Variants in SNX14 observed in about 807,000 individuals in gnomAD.
SNX14 encodes sorting nexin 14.
A neutral mutation model predicts 133.8 loss-of-function variants in SNX14; 93 were observed. The ratio of observed to expected loss-of-function variants is 0.70; its 90% CI spans 0.59 to 0.83. SNX14 has a LOEUF of 0.83. Among genes scored for constraint, SNX14 ranks in the 40% least tolerant of loss-of-function variants. SNX14 has a pLI of 0.00. For synonymous variants in SNX14, 368 were observed against 365.6 expected (o/e 1.01, Z -0.07); for missense variants, 945 against 1,094.9 (o/e 0.86, Z 1.93).
At chr6:85,530,443 G>A (rs1194461303) in intron 18 of SNX14, among the ~76,000 whole-genome samples, 168 bp from the exon 19 acceptor site, 2 of 152,054 alleles carry the variant, frequency 1.3e-5, no homozygotes, top group African/African-American at 2.4e-5. Flanking sequence ...TCAGGAGTTC[G>A]AGGCCAGTCT....
At chr6:85,549,925 A>T in intron 7 of SNX14, 46 bp from the exon 8 acceptor site, 1 of 1,530,368 alleles carries the variant, frequency 6.5e-7, no homozygotes, top group Non-Finnish European at 8.9e-7. Flanking sequence ...AGTGACATTA[A>T]ATAATTTCGG....
At position 85,591,112 on chromosome 6, in the gene SNX14, C is replaced by T. The variant is rs563797475; in HGVS notation, c.140+2467G>A. Among the ~76,000 whole-genome samples, 213 of 152,270 alleles carry T rather than the reference C, an allele frequency of 1.4e-3. 7 individuals carry two copies. The South Asian group carries it at 0.042, about 30-fold the overall frequency. ...AATCTCTGCACTGTTCAAGGATCAA[C>T]TTCATATAAAATTATTTTTTATTTC... On this transcript the variant is annotated intron_variant, in intron 1 of 28. Transcript: ENST00000314673.
At chr6:85,584,678 G>A (rs1800100245) in intron 1 of SNX14, among the ~76,000 whole-genome samples, 1 of 152,164 alleles carries the variant, frequency 6.6e-6, no homozygotes, top group African/African-American at 2.4e-5. Context: ...TTAGAGAAAT[G>A]CAAATCAAAA....
rs573205734 is a variant in SNX14 at position 85,584,823 on chromosome 6, T to C, written c.140+8756A>G. 2.6e-5 allele frequency among the ~76,000 whole-genome samples: 4 copies of C among 152,306 alleles called. No individual in the cohort carries two copies. In the East Asian group the frequency reaches 5.8e-4, roughly 22 times the overall value. On this transcript the variant is annotated intron_variant, in intron 1 of 28. Coordinates refer to ENST00000314673, the MANE Select transcript of SNX14 (RefSeq NM_153816.6). ...GTGGGAGTGTAAATTAGTTCCACCA[T>C]TGTGGAAGACAGTGTGGTGATTCCT...
At chr6:85,517,429 TAAAC>T (rs1448114198) in intron 23 of SNX14, 3 of 167,696 alleles carry the variant, frequency 1.8e-5, no homozygotes, top group Non-Finnish European at 3.8e-5. Context: ...TGCCATCCAA[TAAAC>T]ATAAACACAG....
intron 15 of SNX14, among the ~76,000 whole-genome samples, chr6:85,539,935 T>TTTTTATTTTA (rs147235178): frequency 0.04 from 5,419 of 136,536 alleles, 284 homozygotes; most frequent in African/African-American, 0.11. Flanking sequence ...CGAAGCAAGC[T>TTTTTATTTTA]TTTTATTTTA....
At chr6:85,527,001 G>A (rs1165087429) in intron 20 of SNX14, among the ~76,000 whole-genome samples, 1 of 152,108 alleles carries the variant, frequency 6.6e-6, no homozygotes. Flanking sequence ...CTCGGGAGGT[G>A]GAGGTTGCAG....
chr6:85,528,863 C>T (rs907402229), intron 19 of SNX14, among the ~76,000 whole-genome samples: 1 of 151,786 alleles, frequency 6.6e-6, no homozygotes. Flanking sequence ...TCAAGACTAA[C>T]GTGATATAAA....
At chr6:85,564,450 T>A (rs1335273981) in intron 6 of SNX14, among the ~76,000 whole-genome samples, 1 of 152,222 alleles carries the variant, frequency 6.6e-6, no homozygotes. Flanking sequence ...CCTGACTTTT[T>A]AATAATTGCC....
chr6:85,524,649 T>C (rs1388462166), intron 21 of SNX14, among the ~76,000 whole-genome samples: 2 of 152,018 alleles, frequency 1.3e-5, no homozygotes, highest in Admixed American at 6.6e-5. Flanking sequence ...CTGGGTGTCA[T>C]GGTGGGCACC....
At chr6:85,593,516 A>G (rs1300391338) in intron 1 of SNX14, 63 bp downstream of exon 1, 14 of 1,541,104 alleles carry the variant, frequency 9.1e-6, no homozygotes, top group East Asian at 2.4e-5. Context: ...GTTAAGCAGC[A>G]CGGGCCGGGC....
chr6:85,566,485 G>A (rs1227818923), intron 5 of SNX14, among the ~76,000 whole-genome samples: 1 of 151,898 alleles, frequency 6.6e-6, no homozygotes, highest in African/African-American at 2.4e-5. Flanking sequence ...ATCACTTGAA[G>A]TCGGGAGTTT....
In SNX14 at chr6:85,513,910, A is replaced by G. The variant is rs1308434854; in HGVS notation, c.2558-15T>C. The G allele has an allele frequency of 6.3e-7, 1 of 1,595,926 alleles. No homozygotes were observed. Among genetic ancestry groups the G allele is most frequent in the African/African-American group, 1.3e-5 (1 of 74,100 alleles). ...GAATATAGCATCTAAAAAAGAGTAA[A>G]AAGAAATATTTCTGGAATTTTCATC... On this transcript the variant is annotated splice_polypyrimidine_tract_variant and intron_variant, in intron 25 of 28. Coordinates refer to ENST00000314673, the MANE Select transcript of SNX14 (RefSeq NM_153816.6).
chr6:85,543,594 C>A lies in SNX14; in HGVS notation c.1264+11G>T. ...GTGCTAAATAAGTCATTCTTATCGT[C>A]TTTGACTTACTTCTTTGAATCTCTT... On this transcript the variant is annotated intron_variant, in intron 13 of 28. Coordinates refer to ENST00000314673, the MANE Select transcript of SNX14 (RefSeq NM_153816.6). The A allele has an allele frequency of 6.4e-7, 1 of 1,559,250 alleles. No individual in the cohort carries two copies. Among genetic ancestry groups the A allele is most frequent in the Non-Finnish European group, 8.7e-7 (1 of 1,148,522 alleles).
intron 17 of SNX14, among the ~76,000 whole-genome samples, chr6:85,534,735 CATA>C (rs931443156): frequency 4.6e-5 from 7 of 151,118 alleles, no homozygotes; most frequent in Non-Finnish European, 8.8e-5. Context: ...TTTAAAAGTT[CATA>C]ATAACACGGT....
intron 4 of SNX14, among the ~76,000 whole-genome samples, chr6:85,571,221 G>A (rs886844663): frequency 6.6e-6 from 1 of 151,992 alleles, no homozygotes; most frequent in South Asian, 2.1e-4. Context: ...TTAGGCGGGC[G>A]TGGTGGTGCA....
At chr6:85,580,070 G>C (rs190335295) in intron 1 of SNX14, among the ~76,000 whole-genome samples, 1 of 152,294 alleles carries the variant, frequency 6.6e-6, no homozygotes, top group East Asian at 1.9e-4. Context: ...TTGCAGGTCC[G>C]AAAGAGACCC....
intron 15 of SNX14, among the ~76,000 whole-genome samples, chr6:85,539,797 C>T (rs1783059671): frequency 6.6e-6 from 1 of 151,834 alleles, no homozygotes; most frequent in African/African-American, 2.4e-5. Flanking sequence ...ACCCATATAA[C>T]CTGTCTTTTT....
chr6:85,533,102 G>A lies in SNX14; in HGVS notation c.1810+497C>T, dbSNP rs558577446. On this transcript the variant is annotated intron_variant, in intron 18 of 28. Coordinates refer to ENST00000314673, the MANE Select transcript of SNX14 (RefSeq NM_153816.6). ...GGGTTTCGCCATGTGGGCCAGGCGG[G>A]TCTCAAACTCCTGACCTCAGGTAAT... Among the ~76,000 whole-genome samples the A allele has an allele frequency of 1.1e-3, 160 of 152,274 alleles. 1 individual carries two copies. Among genetic ancestry groups the A allele is most frequent in the African/African-American group, 3.7e-3 (152 of 41,556 alleles).
Sources: gnomAD v4.1 joint callset for allele counts (sites outside exome capture counted in the v4.1 genomes callset) on GRCh38, gnomAD v4.1.1 for gene constraint, MANE v1.5 for transcripts, NCBI Gene and HGNC (gene_info 2026-07-23, HGNC 2026-07-21) for gene names.